LRRTM4: variants seen among roughly 807,000 people sequenced by gnomAD.
LRRTM4 encodes leucine-rich repeat transmembrane neuronal protein 4.
A neutral mutation model predicts 47.6 loss-of-function variants in LRRTM4; 25 were observed. The ratio of observed to expected loss-of-function variants is 0.53; its 90% CI spans 0.38 to 0.73. LRRTM4 has a LOEUF of 0.73. LRRTM4 is among the 30% of genes least tolerant of loss of function. The probability of loss-of-function intolerance (pLI) is 0.00; values close to 1 mark genes in which losing one functional copy is unlikely to be tolerated. For synonymous variants in LRRTM4, 311 were observed against 269.5 expected (o/e 1.15, Z -1.51); for missense variants, 638 against 713.4 (o/e 0.89, Z 1.20).
At chr2:77,459,973 C>A (rs773038764) in intron 3 of LRRTM4, among the ~76,000 whole-genome samples, 6 of 152,038 alleles carry the variant, frequency 3.9e-5, no homozygotes, top group African/African-American at 1.2e-4. Flanking sequence ...CATCAAGTCC[C>A]AATCTATTCT....
chr2:77,297,390 T>G (rs1360570299), intron 3 of LRRTM4, among the ~76,000 whole-genome samples: 2 of 152,228 alleles, frequency 1.3e-5, no homozygotes, highest in African/African-American at 4.8e-5. Flanking sequence ...CTAATTATTT[T>G]ATAGTCACTA....
chr2:77,004,428 A>T (rs1677556547), intron 3 of LRRTM4, among the ~76,000 whole-genome samples: 1 of 152,186 alleles, frequency 6.6e-6, no homozygotes, highest in Non-Finnish European at 1.5e-5. Context: ...CAGCTTCCAC[A>T]TGGTGCTGAG....
intron 3 of LRRTM4, among the ~76,000 whole-genome samples, chr2:76,924,981 C>A (rs557575529): frequency 6.6e-6 from 1 of 152,230 alleles, no homozygotes; most frequent in African/African-American, 2.4e-5. Context: ...TTTGTCTTAT[C>A]CCCTGTTCTT....
intron 3 of LRRTM4, among the ~76,000 whole-genome samples, chr2:77,491,643 TA>T (rs1678167502): frequency 6.6e-6 from 1 of 151,730 alleles, no homozygotes. Context: ...GAAATAGTAT[TA>T]AAAAGAATAT....
At chr2:77,171,622 A>G (rs1004552559) in intron 3 of LRRTM4, among the ~76,000 whole-genome samples, 1 of 152,094 alleles carries the variant, frequency 6.6e-6, no homozygotes, top group East Asian at 1.9e-4. Context: ...AATATAAGAT[A>G]TAGGTCATAT....
intron 3 of LRRTM4, among the ~76,000 whole-genome samples, chr2:77,440,163 C>T (rs949238600): frequency 2.6e-5 from 4 of 152,126 alleles, no homozygotes; most frequent in Admixed American, 1.3e-4. Flanking sequence ...GCCTGTAATC[C>T]GAGCACTTTG....
chr2:77,274,402 T>C (rs922391232), intron 3 of LRRTM4, among the ~76,000 whole-genome samples: 1 of 152,194 alleles, frequency 6.6e-6, no homozygotes, highest in African/African-American at 2.4e-5. Flanking sequence ...TCATGGTGTT[T>C]GGATGATAAA....
intron 3 of LRRTM4, among the ~76,000 whole-genome samples, chr2:76,867,992 C>A (rs1219527121): frequency 6.6e-6 from 1 of 152,128 alleles, no homozygotes; most frequent in African/African-American, 2.4e-5. Context: ...TTGATTCTTA[C>A]TGCCAAGTTA....
chr2:76,839,026 A>G (rs979748599), intron 3 of LRRTM4, among the ~76,000 whole-genome samples: 1 of 152,164 alleles, frequency 6.6e-6, no homozygotes, highest in Non-Finnish European at 1.5e-5. Flanking sequence ...GGGTACCATT[A>G]TAGGAGCCAG....
intron 3 of LRRTM4, among the ~76,000 whole-genome samples, chr2:77,443,681 A>G (rs1675934247): frequency 6.6e-6 from 1 of 152,160 alleles, no homozygotes; most frequent in Non-Finnish European, 1.5e-5. Context: ...CAAGAAAAAC[A>G]TGGAAGAAAA....
chr2:77,319,202 A>G (rs1201633517), intron 3 of LRRTM4, among the ~76,000 whole-genome samples: 1 of 152,064 alleles, frequency 6.6e-6, no homozygotes, highest in East Asian at 1.9e-4. Context: ...CCTGGTCAAA[A>G]TAGTGAAACC....
At chr2:77,226,158 A>C (rs1228318794) in intron 3 of LRRTM4, among the ~76,000 whole-genome samples, 1 of 151,858 alleles carries the variant, frequency 6.6e-6, no homozygotes, top group East Asian at 1.9e-4. Context: ...CATAAAAAAC[A>C]AAATTGGAAA....
intron 3 of LRRTM4, among the ~76,000 whole-genome samples, chr2:76,856,579 A>C (rs1432378648): frequency 6.6e-6 from 1 of 152,152 alleles, no homozygotes; most frequent in Non-Finnish European, 1.5e-5. Context: ...TGTCTACAAG[A>C]GCCACTTTAA....
chr2:76,968,380 A>G (rs1395151923), intron 3 of LRRTM4, among the ~76,000 whole-genome samples: 1 of 138,080 alleles, frequency 7.2e-6, no homozygotes, highest in Non-Finnish European at 1.6e-5. Context: ...ATATATATAT[A>G]TATACACATA....
chr2:77,283,213 A>C (rs1676554857), intron 3 of LRRTM4, among the ~76,000 whole-genome samples: 1 of 152,094 alleles, frequency 6.6e-6, no homozygotes, highest in Non-Finnish European at 1.5e-5. Context: ...AGTCTCCAAC[A>C]AACAAGAAAA....
intron 3 of LRRTM4, among the ~76,000 whole-genome samples, chr2:76,848,888 T>C (rs1671911043): frequency 6.6e-6 from 1 of 152,108 alleles, no homozygotes; most frequent in African/African-American, 2.4e-5. Context: ...TGGAAACTTA[T>C]TTCATGAAAG....
chr2:76,877,068 T>C (rs1040826381), intron 3 of LRRTM4, among the ~76,000 whole-genome samples: 5 of 152,096 alleles, frequency 3.3e-5, no homozygotes, highest in African/African-American at 1.2e-4. Context: ...ATTAGGGTTT[T>C]TGATAAATAT....
At chr2:77,440,887 A>G (rs921416992) in intron 3 of LRRTM4, among the ~76,000 whole-genome samples, 3 of 152,362 alleles carry the variant, frequency 2.0e-5, no homozygotes, top group African/African-American at 7.2e-5. Context: ...TTAATAGAAC[A>G]GTCTTTATTT....
intron 3 of LRRTM4, among the ~76,000 whole-genome samples, chr2:77,482,336 A>C (rs1677737656): frequency 6.6e-6 from 1 of 152,168 alleles, no homozygotes; most frequent in South Asian, 2.1e-4. Context: ...GAGATTTTTG[A>C]GACTTCACGA....
Sources: gnomAD v4.1 joint callset for allele counts (sites outside exome capture counted in the v4.1 genomes callset) on GRCh38, gnomAD v4.1.1 for gene constraint, MANE v1.5 for transcripts, NCBI Gene and HGNC (gene_info 2026-07-23, HGNC 2026-07-21) for gene names.